The following FAM50B variants were observed in gnomAD, a reference collection of about 807,000 sequenced individuals.
FAM50B encodes family with sequence similarity 50 member B, also known as protein FAM50B.
Under a neutral mutation model 25.4 loss-of-function variants are expected in FAM50B, and 9 were observed. That is an observed-to-expected ratio of 0.35 (90% CI 0.21 to 0.62). FAM50B has a LOEUF of 0.62. Among genes scored for constraint, FAM50B ranks in the 20% least tolerant of loss-of-function variants. FAM50B has a pLI of 0.73. For missense variants in FAM50B, 372 were observed against 477.9 expected (o/e 0.78, Z 2.07); for synonymous variants, 212 against 204.3 (o/e 1.04, Z -0.32).
At chr6:3,844,469 G>A (rs1161443555), upstream of FAM50B, among the ~76,000 whole-genome samples, 1 of 152,154 alleles carries the variant, frequency 6.6e-6, no homozygotes, top group Non-Finnish European at 1.5e-5. Context: ...CCAGCACTTT[G>A]GGAGGCCGAG....
upstream of FAM50B, among the ~76,000 whole-genome samples, chr6:3,844,854 GTTAC>G (rs1411694938): frequency 6.6e-6 from 1 of 152,156 alleles, no homozygotes; most frequent in Non-Finnish European, 1.5e-5. Context: ...TAATAGTTAT[GTTAC>G]TTATGTGTTC....
the FAM50B span, among the ~76,000 whole-genome samples, chr6:3,834,485 AAG>A: frequency 2.6e-5 from 4 of 151,862 alleles, no homozygotes; most frequent in African/African-American, 9.7e-5. Context: ...TCAATATACA[AAG>A]AGTTCTTATA....
At position 3,850,615 on chromosome 6, in the gene FAM50B, C is replaced by T. The variant is rs375092204; in HGVS notation, c.804C>T (p.Phe268=). The T allele has an allele frequency of 7.4e-6, 12 of 1,614,164 alleles. No homozygotes were observed. The highest frequency in any genetic ancestry group is 6.7e-5 in the East Asian group (3 of 44,876). ...ARGKSGPLFS[F]DVHDDVRLLS... is the part of the protein sequence containing the mutation. ...GCAAGAGCGGGCCGCTCTTCAGCTT[C>T]GATGTGCACGATGACGTGCGCCTGC... The change falls in exon 2 of 2, where the codon TTC becomes TTT. Residue 268 remains phenylalanine, a synonymous_variant. Coordinates refer to ENST00000648326, the MANE Select transcript of FAM50B (RefSeq NM_012135.3).
At chr6:3,838,250 G>T in the FAM50B span, among the ~76,000 whole-genome samples, 1 of 151,666 alleles carries the variant, frequency 6.6e-6, no homozygotes, top group Admixed American at 6.6e-5. Flanking sequence ...GTTTGAGGTT[G>T]CAGTGAGCTA....
chr6:3,837,762 G>A, the FAM50B span, among the ~76,000 whole-genome samples: 5 of 149,874 alleles, frequency 3.3e-5, no homozygotes, highest in African/African-American at 1.2e-4. Context: ...AGAGAGAGGG[G>A]GCCACAAGAG....
the FAM50B span, among the ~76,000 whole-genome samples, chr6:3,843,691 T>A: frequency 6.6e-6 from 1 of 152,266 alleles, no homozygotes; most frequent in Non-Finnish European, 1.5e-5. Flanking sequence ...CCTGATTGCA[T>A]GCCAAAATAT....
At chr6:3,847,893 G>C (rs1762140882), upstream of FAM50B, among the ~76,000 whole-genome samples, 1 of 152,214 alleles carries the variant, frequency 6.6e-6, no homozygotes, top group African/African-American at 2.4e-5. Flanking sequence ...TCAGGCACTA[G>C]GGAAGCCTAG....
chr6:3,846,494 G>C (rs1232033894), upstream of FAM50B, among the ~76,000 whole-genome samples: 1 of 152,222 alleles, frequency 6.6e-6, no homozygotes, highest in Non-Finnish European at 1.5e-5. Flanking sequence ...CCTCAGTGTT[G>C]ATGGTTGCTG....
At chr6:3,838,060 C>G in the FAM50B span, among the ~76,000 whole-genome samples, 4 of 152,218 alleles carry the variant, frequency 2.6e-5, no homozygotes, top group Admixed American at 6.5e-5. Flanking sequence ...ACAACTGATA[C>G]AGTCCCTGTA....
At chr6:3,840,594 A>C in the FAM50B span, among the ~76,000 whole-genome samples, 50 of 152,326 alleles carry the variant, frequency 3.3e-4, no homozygotes, top group Admixed American at 2.9e-3. Flanking sequence ...GGAGCCGAGC[A>C]CCACTCAAAG....
the FAM50B span, among the ~76,000 whole-genome samples, chr6:3,834,251 A>G: frequency 6.6e-6 from 1 of 151,906 alleles, no homozygotes; most frequent in East Asian, 1.9e-4. Context: ...TCAAATATGT[A>G]TGAAATTCAT....
At chr6:3,833,207 T>C in the FAM50B span, among the ~76,000 whole-genome samples, 2 of 152,174 alleles carry the variant, frequency 1.3e-5, no homozygotes, top group Non-Finnish European at 2.9e-5. Context: ...GTCAGTCCCA[T>C]ATACTCAGCA....
chr6:3,851,101 G>A lies in FAM50B; in HGVS notation c.*312G>A, dbSNP rs1012446410. The A allele has an allele frequency of 1.1e-5, 4 of 355,270 alleles. No individual in the cohort carries two copies. The Admixed American group carries it at 1.4e-4, about 12-fold the overall frequency. The allele number at this position is 355,270 out of a possible 1,614,324, so 22.0% of individuals were successfully genotyped here. ...CACATTTTTTACCTGGTGGTTATGA[G>A]CATGGACTTGGGGGCCACAGTGACT... On this transcript the variant is annotated 3_prime_UTR_variant, in exon 2 of 2. Coordinates refer to ENST00000648326, the MANE Select transcript of FAM50B (RefSeq NM_012135.3).
At chr6:3,836,934 T>G in the FAM50B span, among the ~76,000 whole-genome samples, 1 of 152,162 alleles carries the variant, frequency 6.6e-6, no homozygotes, top group Admixed American at 6.5e-5. Flanking sequence ...CCACCATAGA[T>G]TCGCATTATC....
the FAM50B span, among the ~76,000 whole-genome samples, chr6:3,839,702 T>C: frequency 7.2e-5 from 11 of 152,186 alleles, no homozygotes; most frequent in African/African-American, 2.7e-4. Context: ...ACCTCACATA[T>C]ACTCCCATAG....
In FAM50B at chr6:3,850,885, C is replaced by G. The variant is rs2113036843; in HGVS notation, c.*96C>G. ...TGATTTCGTGACCTTGATTTCTTCCCCCAAATTTAATAAAGACAGAGGGTT... is the reference window on the plus strand; with the variant it reads ...TGATTTCGTGACCTTGATTTCTTCCGCCAAATTTAATAAAGACAGAGGGTT... On this transcript the variant is annotated 3_prime_UTR_variant, in exon 2 of 2. Coordinates refer to ENST00000648326, the MANE Select transcript of FAM50B (RefSeq NM_012135.3). 1 of 1,512,382 alleles carries G rather than the reference C, an allele frequency of 6.6e-7. No homozygotes were observed. Among genetic ancestry groups the G allele is most frequent in the East Asian group, 2.3e-5 (1 of 43,670 alleles). 93.7% of individuals were successfully genotyped at this position (1,512,382 alleles called of 1,614,324 possible).
the FAM50B span, among the ~76,000 whole-genome samples, chr6:3,840,883 T>C: frequency 6.6e-6 from 1 of 152,172 alleles, no homozygotes. Context: ...GTACATTTAA[T>C]AAGAAATGAA....
the FAM50B span, among the ~76,000 whole-genome samples, chr6:3,835,205 C>A: frequency 3.3e-5 from 5 of 152,194 alleles, no homozygotes; most frequent in East Asian, 9.7e-4. Context: ...ATATTTTCCC[C>A]AACCAGGACA....
At chr6:3,848,831 G>A (rs889113550), upstream of FAM50B, among the ~76,000 whole-genome samples, 1 of 152,226 alleles carries the variant, frequency 6.6e-6, no homozygotes, top group African/African-American at 2.4e-5. Flanking sequence ...CAAACAAGCT[G>A]AGTGCAGGTT....
Sources: gnomAD v4.1 joint callset for allele counts (sites outside exome capture counted in the v4.1 genomes callset) on GRCh38, gnomAD v4.1.1 for gene constraint, MANE v1.5 for transcripts, NCBI Gene and HGNC (gene_info 2026-07-23, HGNC 2026-07-21) for gene names.